Variants in INSC observed in about 807,000 individuals in gnomAD.
INSC encodes protein inscuteable homolog.
A neutral mutation model predicts 58.6 loss-of-function variants in INSC; 67 were observed. The observed-to-expected ratio is 1.14, with a 90% confidence interval of 0.94 to 1.40. INSC has a LOEUF of 1.40. INSC is among the 40% of genes most tolerant of loss of function. INSC has a pLI of 0.00. For synonymous variants in INSC, 262 were observed against 276.1 expected (o/e 0.95, Z 0.51); for missense variants, 714 against 692.0 (o/e 1.03, Z -0.36).
intron 1 of INSC, among the ~76,000 whole-genome samples, chr11:15,120,477 A>T (rs1306514502): frequency 6.6e-6 from 1 of 152,194 alleles, no homozygotes; most frequent in African/African-American, 2.4e-5. Flanking sequence ...CTTGGTGTGG[A>T]TCTTGAAAGA....
At chr11:15,208,718 C>A (rs1850904909) in intron 7 of INSC, among the ~76,000 whole-genome samples, 1 of 152,218 alleles carries the variant, frequency 6.6e-6, no homozygotes, top group African/African-American at 2.4e-5. Flanking sequence ...GGCTGCCAGG[C>A]AGTCCAGGTG....
intron 5 of INSC, among the ~76,000 whole-genome samples, chr11:15,189,367 GTTTATTTA>G (rs146274786): frequency 0.04 from 5,938 of 150,054 alleles, 385 homozygotes; most frequent in African/African-American, 0.14. Context: ...ACACCATTTT[GTTTATTTA>G]TTTATTTATT....
intron 8 of INSC, among the ~76,000 whole-genome samples, chr11:15,224,408 T>C (rs954466366): frequency 2.0e-5 from 3 of 152,170 alleles, no homozygotes; most frequent in Non-Finnish European, 2.9e-5. Flanking sequence ...CATTCACAGG[T>C]AGGTGCTAAG....
At chr11:15,179,792 C>T (rs1028848506) in intron 5 of INSC, among the ~76,000 whole-genome samples, 1 of 152,202 alleles carries the variant, frequency 6.6e-6, no homozygotes, top group Non-Finnish European at 1.5e-5. Context: ...ACCCAAGGGA[C>T]ACAAGGACCA....
At chr11:15,220,565 C>T (rs1470671949) in intron 7 of INSC, among the ~76,000 whole-genome samples, 1 of 152,168 alleles carries the variant, frequency 6.6e-6, no homozygotes. Flanking sequence ...AATACCAATC[C>T]AACTGCTTTT....
chr11:15,267,860 A>G, the INSC span, among the ~76,000 whole-genome samples: 1 of 152,018 alleles, frequency 6.6e-6, no homozygotes, highest in Non-Finnish European at 1.5e-5. Context: ...TTTTATCTTC[A>G]TATAAATATT....
intron 9 of INSC, among the ~76,000 whole-genome samples, chr11:15,231,844 C>T (rs898976364): frequency 9.9e-5 from 15 of 152,204 alleles, no homozygotes; most frequent in African/African-American, 3.4e-4. Flanking sequence ...TATTAGTTTC[C>T]AGCAAGGGAA....
chr11:15,146,068 C>T (rs1196545850), intron 1 of INSC, among the ~76,000 whole-genome samples: 1 of 152,214 alleles, frequency 6.6e-6, no homozygotes, highest in Non-Finnish European at 1.5e-5. Context: ...ATGATGATGG[C>T]ATTAAACGAA....
intron 1 of INSC, among the ~76,000 whole-genome samples, chr11:15,122,966 T>C (rs1238801415): frequency 6.6e-6 from 1 of 152,234 alleles, no homozygotes. Flanking sequence ...CTTGCTTGCC[T>C]GGCCCTGCTG....
At chr11:15,206,179 G>T (rs565970295) in intron 7 of INSC, among the ~76,000 whole-genome samples, 2 of 152,192 alleles carry the variant, frequency 1.3e-5, no homozygotes, top group East Asian at 3.9e-4. Flanking sequence ...ATGGCTGAAG[G>T]GGGAGAGGCC....
chr11:15,155,965 C>A (rs1025327718), intron 2 of INSC, among the ~76,000 whole-genome samples: 4 of 152,106 alleles, frequency 2.6e-5, no homozygotes, highest in Non-Finnish European at 5.9e-5. Context: ...GGCACAGTGA[C>A]CTTCTCCAAG....
At chr11:15,241,897 T>C (rs1406539010) in intron 12 of INSC, among the ~76,000 whole-genome samples, 1 of 152,212 alleles carries the variant, frequency 6.6e-6, no homozygotes, top group Non-Finnish European at 1.5e-5. Flanking sequence ...ATAAATGGTA[T>C]TTGAAAATAT....
At chr11:15,167,286 T>G (rs1363052650) in intron 2 of INSC, among the ~76,000 whole-genome samples, 1 of 152,048 alleles carries the variant, frequency 6.6e-6, no homozygotes, top group African/African-American at 2.4e-5. Flanking sequence ...GCCCTGGACA[T>G]AAGCGGCATG....
At chr11:15,261,730 A>G in the INSC span, among the ~76,000 whole-genome samples, 2 of 152,212 alleles carry the variant, frequency 1.3e-5, no homozygotes, top group African/African-American at 4.8e-5. Context: ...GTTAAGATAC[A>G]GAACTTTGAA....
At chr11:15,189,367 G>GTTTA (rs146274786) in intron 5 of INSC, among the ~76,000 whole-genome samples, 305 of 150,180 alleles carry the variant, frequency 2.0e-3, no homozygotes, top group Non-Finnish European at 2.9e-3. Context: ...ACACCATTTT[G>GTTTA]TTTATTTATT....
rs1244108534 is a variant in INSC at position 15,176,094 on chromosome 11, GC to G, written c.402+11del. On this transcript the variant is annotated intron_variant, in intron 3 of 12. Coordinates refer to ENST00000379556, the MANE Select transcript of INSC (RefSeq NM_001042536.3). ...TTGAAGGAAATGGGCGAGGTCAGCT[GC>G]CCTGGGATAGGAGTGGGCGGGAACT... The G allele has an allele frequency of 2.0e-6, 3 of 1,503,728 alleles. No homozygotes were observed. The highest frequency in any genetic ancestry group is 2.7e-6 in the Non-Finnish European group (3 of 1,114,438). 93.1% of individuals were successfully genotyped at this position (1,503,728 alleles called of 1,614,324 possible).
intron 12 of INSC, among the ~76,000 whole-genome samples, chr11:15,240,798 C>G (rs1785963112): frequency 6.6e-6 from 1 of 152,162 alleles, no homozygotes; most frequent in African/African-American, 2.4e-5. Flanking sequence ...AACCAGGAAC[C>G]TTTGAGGTTC....
In INSC at chr11:15,218,787, AG is replaced by A. The variant is rs547611460; in HGVS notation, c.820-2689del. 6.9e-4 allele frequency among the ~76,000 whole-genome samples: 105 copies of A among 152,306 alleles called. No individual in the cohort carries two copies. In the East Asian group the frequency reaches 7.9e-3, roughly 11 times the overall value. On this transcript the variant is annotated intron_variant, in intron 7 of 12. Transcript: ENST00000379556. ...TTTCCTGGGGTCAAGAATCAATTTA[AG>A]TTCTCATGTTGGCTGTTTCTCCAAT...
chr11:15,116,851 C>CTTTATTTCTT (rs1229272577), intron 1 of INSC, among the ~76,000 whole-genome samples: 6 of 11,158 alleles, frequency 5.4e-4, no homozygotes, highest in Non-Finnish European at 9.1e-4. Flanking sequence ...CTTTCTTTCT[C>CTTTATTTCTT]TCTCTCTCTC....
Sources: gnomAD v4.1 joint callset for allele counts (sites outside exome capture counted in the v4.1 genomes callset) on GRCh38, gnomAD v4.1.1 for gene constraint, MANE v1.5 for transcripts, NCBI Gene and HGNC (gene_info 2026-07-23, HGNC 2026-07-21) for gene names.